The following ATP8B4 variants were observed in gnomAD, a reference collection of about 807,000 sequenced individuals.
ATP8B4 encodes ATPase phospholipid transporting 8B4 (putative).
In ATP8B4, 133 loss-of-function variants were observed where a neutral mutation model predicts 145.6. The observed-to-expected ratio is 0.91, with a 90% CI of 0.79 to 1.05. ATP8B4 has a LOEUF of 1.05. Among genes scored for constraint, ATP8B4 ranks in the 50% least tolerant of loss-of-function variants. The pLI is 0.00. For synonymous variants in ATP8B4, 507 were observed against 492.9 expected (o/e 1.03, Z -0.38); for missense variants, 1,458 against 1,425.2 (o/e 1.02, Z -0.37).
chr15:49,912,714 C>CA (rs961695022), intron 20 of ATP8B4, among the ~76,000 whole-genome samples: 20 of 151,938 alleles, frequency 1.3e-4, no homozygotes, highest in Non-Finnish European at 2.8e-4. Flanking sequence ...AAGAACACAA[C>CA]AAAAAAAGAA....
At chr15:50,010,957 G>T in intron 6 of ATP8B4, 40 bp from the exon 7 acceptor site, 1 of 1,361,882 alleles carries the variant, frequency 7.3e-7, no homozygotes, top group South Asian at 1.4e-5. Flanking sequence ...CAAGAATGAA[G>T]AATTGAAAGT....
At chr15:49,974,719 CA>C (rs2045520516) in intron 12 of ATP8B4, among the ~76,000 whole-genome samples, 1 of 151,954 alleles carries the variant, frequency 6.6e-6, no homozygotes, top group African/African-American at 2.4e-5. Context: ...TTCCTTATCC[CA>C]ATTGAAATTT....
chr15:50,127,949 C>T (rs1356171395), intron 1 of ATP8B4, among the ~76,000 whole-genome samples: 1 of 152,102 alleles, frequency 6.6e-6, no homozygotes, highest in Non-Finnish European at 1.5e-5. Context: ...TAGAGTGTGC[C>T]CCAGTCTCAA....
At chr15:49,932,438 A>G (rs2041355099) in intron 15 of ATP8B4, among the ~76,000 whole-genome samples, 1 of 152,044 alleles carries the variant, frequency 6.6e-6, no homozygotes, top group African/African-American at 2.4e-5. Context: ...GAAATTCACA[A>G]AAGGAAAAAA....
intron 6 of ATP8B4, among the ~76,000 whole-genome samples, chr15:50,030,482 CTG>C (rs1476885961): frequency 2.0e-5 from 3 of 152,036 alleles, no homozygotes; most frequent in Non-Finnish European, 4.4e-5. Context: ...ACAGGGGAGA[CTG>C]GAGCCAGCTA....
intron 2 of ATP8B4, among the ~76,000 whole-genome samples, chr15:50,078,897 C>T (rs370927000): frequency 3.8e-4 from 57 of 151,974 alleles, no homozygotes; most frequent in African/African-American, 1.2e-3. Flanking sequence ...AATTCTATAC[C>T]GAGCCAAATA....
chr15:49,974,279 C>T (rs1198555697), intron 12 of ATP8B4, among the ~76,000 whole-genome samples: 1 of 151,918 alleles, frequency 6.6e-6, no homozygotes, highest in East Asian at 1.9e-4. Context: ...GACGGGGTTT[C>T]ACTACTACTA....
intron 2 of ATP8B4, among the ~76,000 whole-genome samples, chr15:50,089,026 GA>G (rs1600306549): frequency 1.3e-5 from 2 of 152,136 alleles, no homozygotes; most frequent in Non-Finnish European, 2.9e-5. Flanking sequence ...AAGCAATGGG[GA>G]AAGGATTTCC....
At chr15:50,179,947 G>T (rs931940478) in intron 1 of ATP8B4, among the ~76,000 whole-genome samples, 1 of 152,208 alleles carries the variant, frequency 6.6e-6, no homozygotes, top group Non-Finnish European at 1.5e-5. Context: ...CTCAAAGCTG[G>T]AATCACTGGG....
At chr15:49,923,592 A>G in intron 16 of ATP8B4, 98 bp from the exon 17 acceptor site, 2 of 767,326 alleles carry the variant, frequency 2.6e-6, no homozygotes, top group South Asian at 1.8e-5. Context: ...GGAAATGGGC[A>G]TAATGTTTTA....
At chr15:49,962,587 A>AAAGTACATTATATTATAAGAAT (rs2044178086) in intron 13 of ATP8B4, among the ~76,000 whole-genome samples, 1 of 152,224 alleles carries the variant, frequency 6.6e-6, no homozygotes, top group Non-Finnish European at 1.5e-5. Context: ...CTTATTATAG[A>AAAGTACATTATATTATAAGAAT]TCTAATAGAA....
At chr15:50,099,263 G>A (rs2056193645) in intron 2 of ATP8B4, among the ~76,000 whole-genome samples, 1 of 152,130 alleles carries the variant, frequency 6.6e-6, no homozygotes, top group African/African-American at 2.4e-5. Flanking sequence ...GGAAAAGCAT[G>A]TGTACAATTT....
At chr15:49,908,981 G>T (rs1046810430) in intron 20 of ATP8B4, among the ~76,000 whole-genome samples, 1 of 152,068 alleles carries the variant, frequency 6.6e-6, no homozygotes, top group Non-Finnish European at 1.5e-5. Flanking sequence ...AGCCAGCACG[G>T]CCAGAGTGCA....
chr15:50,091,095 AAG>A (rs1468682016), intron 2 of ATP8B4, among the ~76,000 whole-genome samples: 1 of 152,010 alleles, frequency 6.6e-6, no homozygotes, highest in African/African-American at 2.4e-5. Context: ...CTGCCATCAA[AAG>A]AGAGTCCAGA....
chr15:49,954,192 A>G (rs952867858), intron 14 of ATP8B4, among the ~76,000 whole-genome samples: 1 of 152,174 alleles, frequency 6.6e-6, no homozygotes, highest in Admixed American at 6.5e-5. Context: ...CTCAGCTTGC[A>G]GATGGCCTAT....
chr15:50,134,555 A>C (rs2044096237), intron 1 of ATP8B4, among the ~76,000 whole-genome samples: 1 of 152,230 alleles, frequency 6.6e-6, no homozygotes, highest in Non-Finnish European at 1.5e-5. Flanking sequence ...ACTTCAGTCT[A>C]TCTGGCAAGT....
intron 14 of ATP8B4, among the ~76,000 whole-genome samples, chr15:49,958,231 T>A (rs999709980): frequency 6.6e-6 from 1 of 151,426 alleles, no homozygotes; most frequent in Non-Finnish European, 1.5e-5. Context: ...TAAAATACTT[T>A]AATAAACTAC....
At chr15:50,153,441 C>T (rs1321918986) in intron 1 of ATP8B4, among the ~76,000 whole-genome samples, 1 of 151,698 alleles carries the variant, frequency 6.6e-6, no homozygotes, top group South Asian at 2.1e-4. Context: ...CAGGTTCAAG[C>T]GATTCTCCTG....
At chr15:49,917,230 T>C in intron 19 of ATP8B4, 191 bp from the exon 20 acceptor site, 1 of 544,082 alleles carries the variant, frequency 1.8e-6, no homozygotes, top group Non-Finnish European at 3.2e-6. Context: ...CAGGATCAAA[T>C]TCCCTACTTG....
Sources: allele counts gnomAD v4.1 joint callset (sites outside exome capture counted in the v4.1 genomes callset), GRCh38; gene constraint gnomAD v4.1.1; transcripts MANE v1.5; gene names NCBI Gene and HGNC (gene_info 2026-07-23, HGNC 2026-07-21).